The following CLSTN2 variants were observed in gnomAD, a reference collection of about 807,000 sequenced individuals.
CLSTN2 encodes the protein calsyntenin-2.
In CLSTN2, 48 loss-of-function variants were observed where a neutral mutation model predicts 101.2. The observed-to-expected ratio is 0.47, with a 90% confidence interval of 0.38 to 0.60. The LOEUF (loss-of-function observed/expected upper bound fraction) is 0.60. CLSTN2 is among the 20% of genes least tolerant of loss of function. The pLI is 0.00. For missense variants in CLSTN2, 1,160 were observed against 1,238.2 expected (o/e 0.94, Z 0.95); for synonymous variants, 481 against 463.6 (o/e 1.04, Z -0.48).
intron 1 of CLSTN2, among the ~76,000 whole-genome samples, chr3:140,013,348 C>T (rs977003801): frequency 6.6e-6 from 1 of 152,192 alleles, no homozygotes; most frequent in Non-Finnish European, 1.5e-5. Flanking sequence ...GCTGCCCTGT[C>T]CCAGCCACAT....
chr3:140,564,738 A>C (rs1293083281), intron 16 of CLSTN2, among the ~76,000 whole-genome samples: 1 of 152,240 alleles, frequency 6.6e-6, no homozygotes, highest in Non-Finnish European at 1.5e-5. Context: ...AACTAAGAAA[A>C]GAAGTAACAT....
At chr3:140,511,872 G>C (rs1453980170) in intron 8 of CLSTN2, among the ~76,000 whole-genome samples, 1 of 151,888 alleles carries the variant, frequency 6.6e-6, no homozygotes, top group Non-Finnish European at 1.5e-5. Flanking sequence ...GTTTTGATTT[G>C]CATTTCTCTA....
At chr3:140,383,811 G>A (rs948818100) in intron 2 of CLSTN2, among the ~76,000 whole-genome samples, 4 of 152,220 alleles carry the variant, frequency 2.6e-5, no homozygotes. Context: ...GGACCGTGTG[G>A]CTATAATTTA....
At chr3:140,171,763 A>AATATGTATTATATAATATATAAT (rs1559797304) in intron 1 of CLSTN2, among the ~76,000 whole-genome samples, 10 of 95,026 alleles carry the variant, frequency 1.1e-4, no homozygotes, top group Non-Finnish European at 1.6e-4. Context: ...TATAATATAT[A>AATATGTATTATATAATATATAAT]ATATATAATA....
At chr3:140,252,797 G>A (rs368392603) in intron 2 of CLSTN2, among the ~76,000 whole-genome samples, 11 of 152,184 alleles carry the variant, frequency 7.2e-5, no homozygotes, top group East Asian at 1.9e-4. Flanking sequence ...AGTGGATTAC[G>A]TTCTTCAAGG....
chr3:139,995,834 G>C (rs368341752), intron 1 of CLSTN2, among the ~76,000 whole-genome samples: 54 of 152,212 alleles, frequency 3.5e-4, no homozygotes, highest in East Asian at 3.1e-3. Context: ...TGGAAGTTTT[G>C]GAAATTGCCG....
chr3:140,079,857 T>C (rs915934547), intron 1 of CLSTN2, among the ~76,000 whole-genome samples: 2 of 152,228 alleles, frequency 1.3e-5, no homozygotes, highest in Non-Finnish European at 2.9e-5. Context: ...CAAATTGATA[T>C]TTTTAAAATC....
intron 1 of CLSTN2, among the ~76,000 whole-genome samples, chr3:140,173,543 T>C (rs55642141): frequency 6.6e-6 from 1 of 152,192 alleles, no homozygotes; most frequent in African/African-American, 2.4e-5. Flanking sequence ...GGACTCTGTG[T>C]GGGGGCTCCG....
At chr3:140,432,979 G>A (rs1362834798) in intron 5 of CLSTN2, among the ~76,000 whole-genome samples, 1 of 152,140 alleles carries the variant, frequency 6.6e-6, no homozygotes, top group Admixed American at 6.5e-5. Flanking sequence ...TTTTACAGAT[G>A]AGATCACTGA....
chr3:140,560,254 C>T (rs1198000696), intron 12 of CLSTN2, among the ~76,000 whole-genome samples: 1 of 152,126 alleles, frequency 6.6e-6, no homozygotes, highest in Admixed American at 6.5e-5. Flanking sequence ...GGCATTTGCC[C>T]CCAGGCCTCA....
chr3:140,047,127 G>A (rs1339799791), intron 1 of CLSTN2, among the ~76,000 whole-genome samples: 1 of 152,000 alleles, frequency 6.6e-6, no homozygotes, highest in Non-Finnish European at 1.5e-5. Context: ...AAATAAAAAA[G>A]AAATTAAAAC....
chr3:140,575,540 G>A lies in CLSTN2; in HGVS notation c.*9287G>A, dbSNP rs565348917. 2 of 152,270 alleles carry A rather than the reference G, an allele frequency of 1.3e-5. No individual in the cohort carries two copies. The highest frequency in any genetic ancestry group is 2.4e-5 in the African/African-American group (1 of 41,548). 9.4% of individuals were successfully genotyped at this position (152,270 alleles called of 1,614,324 possible). ...CTGACCTCGGTGGTTTCCATAAAGG[G>A]TTGTTGATGTCCTGAGCTGGACAGG... On this transcript the variant is annotated 3_prime_UTR_variant, in exon 17 of 17. Transcript: ENST00000458420.
chr3:140,301,684 A>C (rs1476381818), intron 2 of CLSTN2, among the ~76,000 whole-genome samples: 2 of 152,248 alleles, frequency 1.3e-5, no homozygotes, highest in Non-Finnish European at 2.9e-5. Flanking sequence ...TTTCTATTTT[A>C]GAGAAAAGAA....
At chr3:140,116,632 GC>G (rs1247432066) in intron 1 of CLSTN2, among the ~76,000 whole-genome samples, 3 of 152,044 alleles carry the variant, frequency 2.0e-5, no homozygotes, top group Admixed American at 6.6e-5. Context: ...TAACTTTTGC[GC>G]CCCCCAGGTG....
intron 1 of CLSTN2, among the ~76,000 whole-genome samples, chr3:140,060,856 T>C (rs2008192380): frequency 6.6e-6 from 1 of 152,198 alleles, no homozygotes; most frequent in Non-Finnish European, 1.5e-5. Context: ...TATTCCTTCA[T>C]CATTTCCTGA....
intron 5 of CLSTN2, among the ~76,000 whole-genome samples, chr3:140,423,530 CACATGTA>C: frequency 1.3e-5 from 2 of 152,366 alleles, no homozygotes; most frequent in Middle Eastern, 3.4e-3. Context: ...GTGATTTAAA[CACATGTA>C]ACATCAGAAT....
Position 140,059,511 on chromosome 3 carries a change from G to A in CLSTN2, c.110-116440G>A, listed in dbSNP as rs78150642. On this transcript the variant is annotated intron_variant, in intron 1 of 16. Coordinates refer to ENST00000458420, the MANE Select transcript of CLSTN2 (RefSeq NM_022131.3). ...AAGAGAGCTACATGGAGAGGGTTCT[G>A]GGGGGCCATCAGACCCTGCTCAGTC... 2.4e-4 allele frequency among the ~76,000 whole-genome samples: 36 copies of A among 152,266 alleles called. 1 individual carries two copies. The South Asian group carries it at 7.1e-3, about 30-fold the overall frequency.
intron 8 of CLSTN2, among the ~76,000 whole-genome samples, chr3:140,474,755 G>A (rs535230897): frequency 1.1e-4 from 16 of 152,144 alleles, no homozygotes; most frequent in Non-Finnish European, 1.8e-4. Context: ...CTACTGGACC[G>A]TTCTGTTTTT....
At chr3:140,355,998 A>G (rs891585151) in intron 2 of CLSTN2, among the ~76,000 whole-genome samples, 2 of 152,254 alleles carry the variant, frequency 1.3e-5, no homozygotes, top group Admixed American at 1.3e-4. Context: ...TAGTGAAGAC[A>G]CAGCTCAGGC....
Sources: gnomAD v4.1 joint callset for allele counts (sites outside exome capture counted in the v4.1 genomes callset) on GRCh38, gnomAD v4.1.1 for gene constraint, MANE v1.5 for transcripts, NCBI Gene and HGNC (gene_info 2026-07-23, HGNC 2026-07-21) for gene names.